The following AGPAT3 variants were observed in gnomAD, a reference collection of about 807,000 sequenced individuals.
AGPAT3 encodes the protein 1-acyl-sn-glycerol-3-phosphate acyltransferase gamma.
Under a neutral mutation model 47.3 loss-of-function variants are expected in AGPAT3, and 5 were observed. The ratio of observed to expected loss-of-function variants is 0.11; its 90% CI spans 0.06 to 0.22. The LOEUF (loss-of-function observed/expected upper bound fraction) is 0.22, where lower values mean the gene tolerates loss of function less well. AGPAT3 is among the 10% of genes least tolerant of loss of function. The pLI, the probability that AGPAT3 is intolerant of heterozygous loss-of-function variation, is 1.00. For missense variants in AGPAT3, 315 were observed against 493.0 expected (o/e 0.64, Z 3.42); for synonymous variants, 212 against 208.3 (o/e 1.02, Z -0.15).
In AGPAT3 at chr21:43,903,097, A is replaced by C. The variant is rs1407120835; in HGVS notation, c.-111-860A>C. Among the ~76,000 whole-genome samples, 5 of 152,340 alleles carry C rather than the reference A, an allele frequency of 3.3e-5. No homozygotes were observed. In the South Asian group the frequency reaches 6.2e-4, roughly 19 times the overall value. ...AGCCTGAAATGTGAATGACATTCTG[A>C]CACCTGCCACCAAGTGGGTGAGCTT... On this transcript the variant is annotated intron_variant, in intron 1 of 9. Transcript: ENST00000291572.
At chr21:43,940,164 G>A (rs9981554) in intron 2 of AGPAT3, among the ~76,000 whole-genome samples, 4,254 of 152,292 alleles carry the variant, frequency 0.028, 194 homozygotes, top group African/African-American at 0.096. Context: ...CTTGAGCTCG[G>A]CTCCTCACCC....
Position 43,939,189 on chromosome 21 carries a change from C to T in AGPAT3, c.-48-20445C>T, listed in dbSNP as rs1285865601. On this transcript the variant is annotated intron_variant, in intron 2 of 9. Transcript: ENST00000291572. The surrounding 1 kb of genome is among the most constrained non-coding windows in gnomAD (Gnocchi z 4.4). Reference sequence around the variant, plus strand: ...CTTTCACTTTATCCCACTGTGGCCCCGTGACCCTGAGCGAGAATGCACTGG... The same window carrying T: ...CTTTCACTTTATCCCACTGTGGCCCTGTGACCCTGAGCGAGAATGCACTGG... 1.3e-5 allele frequency among the ~76,000 whole-genome samples: 2 copies of T among 152,140 alleles called. No individual in the cohort carries two copies. The highest frequency in any genetic ancestry group is 2.9e-5 in the Non-Finnish European group (2 of 68,018).
intron 1 of AGPAT3, among the ~76,000 whole-genome samples, chr21:43,898,263 G>A (rs1362314248): frequency 6.6e-6 from 1 of 152,148 alleles, no homozygotes; most frequent in African/African-American, 2.4e-5. Flanking sequence ...CTTATATTTT[G>A]TTGATTTCTT....
rs568848986 is a variant in AGPAT3 at position 43,905,676 on chromosome 21, T to A, written c.-49+1657T>A. Among the ~76,000 whole-genome samples the A allele has an allele frequency of 5.3e-5, 8 of 152,370 alleles. No individual in the cohort carries two copies. In the East Asian group the frequency reaches 1.5e-3, roughly 29 times the overall value. ...CTCATTGTTGATTTAATACTTTGCCTGTGGTTTAAACTGTTAAATTGTTGC... is the reference window on the plus strand; with the variant it reads ...CTCATTGTTGATTTAATACTTTGCCAGTGGTTTAAACTGTTAAATTGTTGC... On this transcript the variant is annotated intron_variant, in intron 2 of 9. Transcript: ENST00000291572.
chr21:43,977,897 AAAG>A (rs2089680537), intron 7 of AGPAT3, 146 bp from the exon 8 acceptor site: 10 of 612,750 alleles, frequency 1.6e-5, no homozygotes, highest in Admixed American at 3.0e-5. Flanking sequence ...AAAAAAAAAA[AAAG>A]AAAAGAAAAG....
rs1015060530 is a variant in AGPAT3 at position 43,969,415 on chromosome 21, A to G, written c.510+136A>G. The stretch of plus-strand genomic sequence containing the variant: ...CATGGGGTGCTGTTTCCATGGGGCC[A>G]TGACTCCCCCATCTGAGCTGCAGGC... On this transcript the variant is annotated intron_variant, in intron 5 of 9. Transcript: ENST00000291572. 4.9e-5 allele frequency: 56 copies of G among 1,143,178 alleles called. No individual in the cohort carries two copies. In the African/African-American group the frequency reaches 7.9e-4, roughly 16 times the overall value. 70.8% of individuals were successfully genotyped at this position (1,143,178 alleles called of 1,614,324 possible).
intron 1 of AGPAT3, among the ~76,000 whole-genome samples, chr21:43,875,273 A>T (rs756878457): frequency 6.6e-6 from 1 of 152,202 alleles, no homozygotes; most frequent in African/African-American, 2.4e-5. Context: ...TAGATTACTT[A>T]TAGTATCTAA....
chr21:43,971,757 G>A lies in AGPAT3; in HGVS notation c.767+267G>A, dbSNP rs2089406744. ...GGGGAGACTCACCATTGCCCACGGT[G>A]TGTTTCATTCCTTTGGGGAAATCAT... On this transcript the variant is annotated intron_variant, in intron 7 of 9. Transcript: ENST00000291572. Among the ~76,000 whole-genome samples the A allele has an allele frequency of 4.6e-5, 7 of 152,356 alleles. No homozygotes were observed. The South Asian group carries it at 1.4e-3, about 32-fold the overall frequency.
At position 43,987,288 on chromosome 21, in the gene AGPAT3, G is replaced by A. The variant is rs543816181; in HGVS notation, c.*4896G>A. The stretch of plus-strand genomic sequence containing the variant: ...CTGTTTCCTTGGAGGCCATCCTGCC[G>A]ATGGCACTTTTCAAGGCCCTCCCTT... On this transcript the variant is annotated 3_prime_UTR_variant, in exon 10 of 10. Coordinates refer to ENST00000291572, the MANE Select transcript of AGPAT3 (RefSeq NM_020132.5). Among the ~76,000 whole-genome samples the A allele has an allele frequency of 1.1e-4, 17 of 152,314 alleles. No homozygotes were observed. The highest frequency in any genetic ancestry group is 3.8e-4 in the African/African-American group (16 of 41,572).
intron 2 of AGPAT3, among the ~76,000 whole-genome samples, chr21:43,926,322 T>G (rs1156815929): frequency 6.6e-6 from 1 of 152,214 alleles, no homozygotes; most frequent in Non-Finnish European, 1.5e-5. Context: ...GCCTTCGCTC[T>G]GCCGTCCTTG....
rs2088343538 is a variant in AGPAT3, at chr21:43,954,396, G to A, written c.-48-5238G>A. On this transcript the variant is annotated intron_variant, in intron 2 of 9. Coordinates refer to ENST00000291572, the MANE Select transcript of AGPAT3 (RefSeq NM_020132.5). The surrounding 1 kb of genome is among the most constrained non-coding windows in gnomAD (Gnocchi z 4.0). ...TGGACAGAGACATGGCAATGACCCA[G>A]GGAAACCGTGTTGAGCGCTCTGGTG... Among the ~76,000 whole-genome samples, 1 of 152,242 alleles carries A rather than the reference G, an allele frequency of 6.6e-6. No individual in the cohort carries two copies. The highest frequency in any genetic ancestry group is 1.5e-5 in the Non-Finnish European group (1 of 68,038).
chr21:43,909,263 C>T (rs370167707), intron 2 of AGPAT3, among the ~76,000 whole-genome samples: 8 of 151,660 alleles, frequency 5.3e-5, no homozygotes, highest in East Asian at 1.9e-4. Context: ...GTGGACTGGC[C>T]GGCGGTGGGC....
intron 1 of AGPAT3, among the ~76,000 whole-genome samples, chr21:43,869,488 G>A (rs934922898): frequency 6.6e-6 from 1 of 152,206 alleles, no homozygotes; most frequent in Non-Finnish European, 1.5e-5. Flanking sequence ...GGAAGACCGC[G>A]TCAGTTTGGG....
intron 1 of AGPAT3, among the ~76,000 whole-genome samples, chr21:43,879,352 A>T (rs1294790812): frequency 6.7e-6 from 1 of 149,774 alleles, no homozygotes; most frequent in Non-Finnish European, 1.5e-5. Context: ...TATCTCAAAA[A>T]AAAAAAAAAA....
chr21:43,931,966 T>TAC, intron 2 of AGPAT3, among the ~76,000 whole-genome samples: 1 of 145,514 alleles, frequency 6.9e-6, no homozygotes, highest in Admixed American at 6.9e-5. Context: ...TGTGTGTGTG[T>TAC]CTACCTACCT....
In AGPAT3 at chr21:43,933,354, G is replaced by A. The variant is rs76431554; in HGVS notation, c.-48-26280G>A. Reference sequence around the variant, plus strand: ...TTGCGGGTCGTCTCTTTACCCTGTCGTTCCCTTTGTCATGCAGAAGCTGTT... The same window carrying A: ...TTGCGGGTCGTCTCTTTACCCTGTCATTCCCTTTGTCATGCAGAAGCTGTT... On this transcript the variant is annotated intron_variant, in intron 2 of 9. Transcript: ENST00000291572. This position sits in a 1 kb window ranked among gnomAD's most constrained non-coding sequence, Gnocchi z 6.0. 4.4e-3 allele frequency among the ~76,000 whole-genome samples: 670 copies of A among 152,206 alleles called. 8 individuals carry two copies. The highest frequency in any genetic ancestry group is 0.033 in the South Asian group (160 of 4,818).
Position 43,970,687 on chromosome 21 carries a change from A to G in AGPAT3, c.545A>G (p.Glu182Gly), listed in dbSNP as rs770040613. The change falls in exon 6 of 10, where the codon GAG (glutamate) becomes GGG (glycine). Residue 182 changes from glutamate (E) to glycine (G), a missense_variant. By Grantham distance (98) the Glu-to-Gly change is moderately conservative. Transcript: ENST00000291572. This position sits in a 1 kb window ranked among gnomAD's most constrained non-coding sequence, Gnocchi z 5.8. ...LLYCEGTRFTETKHRVSMEVA... is the reference protein window; with the variant it reads ...LLYCEGTRFTGTKHRVSMEVA... ...TACTGCGAGGGGACGCGCTTCACGG[A>G]GACCAAGCACCGCGTTAGCATGGAG... is the stretch of plus-strand genomic sequence containing the variant. 24 of 1,613,880 alleles carry G rather than the reference A, an allele frequency of 1.5e-5. No individual in the cohort carries two copies. Among genetic ancestry groups the G allele is most frequent in the Non-Finnish European group, 1.9e-5 (23 of 1,179,878 alleles).
At position 43,985,992 on chromosome 21, in the gene AGPAT3, GC is replaced by G. The variant is rs1356418423; in HGVS notation, c.*3605del. 6.6e-6 allele frequency: 1 copy of G among 152,284 alleles called. No homozygotes were observed. The highest frequency in any genetic ancestry group is 1.9e-4 in the East Asian group (1 of 5,204). 9.4% of individuals were successfully genotyped at this position (152,284 alleles called of 1,614,324 possible). On this transcript the variant is annotated 3_prime_UTR_variant, in exon 10 of 10. Transcript: ENST00000291572. ...GAGCTAGTCCCCAAACCAAAGGCAA[GC>G]CCCCTCGGGCCTCGGGGGATGGGGC...
chr21:43,888,125 C>A (rs1326544799), intron 1 of AGPAT3, among the ~76,000 whole-genome samples: 1 of 152,234 alleles, frequency 6.6e-6, no homozygotes, highest in East Asian at 1.9e-4. Context: ...CCTGCAGCCT[C>A]AACCTCCCAG....
Sources: allele counts gnomAD v4.1 joint callset (sites outside exome capture counted in the v4.1 genomes callset), GRCh38; gene constraint gnomAD v4.1.1; non-coding constraint Gnocchi (gnomAD v3.1); transcripts MANE v1.5; gene names NCBI Gene and HGNC (gene_info 2026-07-23, HGNC 2026-07-21).